The following OTUD7B variants were observed in gnomAD, a reference collection of about 807,000 sequenced individuals.
OTUD7B encodes OTU deubiquitinase 7B.
In OTUD7B, 34 loss-of-function variants were observed where a neutral mutation model predicts 82.2. The ratio of observed to expected loss-of-function variants is 0.41; its 90% CI spans 0.31 to 0.55. The LOEUF is 0.55. Among genes scored for constraint, OTUD7B ranks in the 20% least tolerant of loss-of-function variants. OTUD7B has a pLI of 0.20. For missense variants in OTUD7B, 944 were observed against 1,062.1 expected (o/e 0.89, Z 1.55); for synonymous variants, 398 against 402.7 (o/e 0.99, Z 0.14).
chr1:150,054,491 C>T, the OTUD7B span: 1 of 497,244 alleles, frequency 2.0e-6, no homozygotes, highest in Non-Finnish European at 3.9e-6. Flanking sequence ...AATCCCAAAA[C>T]ATCTTACTGA....
At chr1:149,998,896 T>C (rs139528472) in intron 1 of OTUD7B, among the ~76,000 whole-genome samples, 21 of 152,378 alleles carry the variant, frequency 1.4e-4, no homozygotes, top group African/African-American at 4.8e-4. Context: ...TAAAATGCTA[T>C]ATGATATTAG....
At chr1:150,016,364 G>T in the OTUD7B span, among the ~76,000 whole-genome samples, 1 of 151,762 alleles carries the variant, frequency 6.6e-6, no homozygotes, top group Admixed American at 6.6e-5. Context: ...ACCACCAGTG[G>T]TGTGCTAGTA....
chr1:150,060,135 AT>A, the OTUD7B span, among the ~76,000 whole-genome samples: 1 of 152,248 alleles, frequency 6.6e-6, no homozygotes, highest in Non-Finnish European at 1.5e-5. Flanking sequence ...TGAGATTTCA[AT>A]GCCTCATCTC....
the OTUD7B span, among the ~76,000 whole-genome samples, chr1:150,031,595 G>C: frequency 3.9e-5 from 6 of 152,088 alleles, no homozygotes; most frequent in Non-Finnish European, 7.4e-5. Context: ...AAAATAAAAA[G>C]CACACACACA....
chr1:150,064,049 CTA>C, the OTUD7B span, among the ~76,000 whole-genome samples: 3 of 152,034 alleles, frequency 2.0e-5, no homozygotes, highest in Non-Finnish European at 4.4e-5. Context: ...GAAATTGATT[CTA>C]TGTTTAAATT....
intron 1 of OTUD7B, among the ~76,000 whole-genome samples, chr1:149,997,769 C>T (rs1652013400): frequency 6.6e-6 from 1 of 152,172 alleles, no homozygotes; most frequent in Non-Finnish European, 1.5e-5. Flanking sequence ...GTGGTTAAAC[C>T]TCACCATAAT....
upstream of OTUD7B, among the ~76,000 whole-genome samples, chr1:150,014,050 GTA>G (rs200964766): frequency 0.021 from 1,894 of 91,712 alleles, 65 homozygotes; most frequent in African/African-American, 0.073. Context: ...ATATGTGTGT[GTA>G]TATATATGTG....
chr1:150,054,331 C>A, the OTUD7B span: 2 of 515,026 alleles, frequency 3.9e-6, no homozygotes, highest in South Asian at 3.0e-5. Context: ...CTGAAAGCCA[C>A]AGGGGCAAGA....
the OTUD7B span, among the ~76,000 whole-genome samples, chr1:150,017,605 A>T: frequency 6.6e-6 from 1 of 152,204 alleles, no homozygotes; most frequent in African/African-American, 2.4e-5. Context: ...ACTTTAGCTC[A>T]GGCAATGAGG....
the OTUD7B span, among the ~76,000 whole-genome samples, chr1:150,057,231 T>C: frequency 6.6e-6 from 1 of 152,166 alleles, no homozygotes; most frequent in African/African-American, 2.4e-5. Flanking sequence ...GAAAGAGTAA[T>C]TTAGTTAATA....
intron 10 of OTUD7B, 57 bp downstream of exon 10, chr1:149,948,912 G>T: frequency 8.9e-7 from 1 of 1,128,964 alleles, no homozygotes; most frequent in Non-Finnish European, 1.4e-6. Flanking sequence ...GGAGATGGAT[G>T]CCACATGTGG....
chr1:149,950,851 G>A (rs1372921474), intron 7 of OTUD7B, among the ~76,000 whole-genome samples: 1 of 141,850 alleles, frequency 7.0e-6, no homozygotes, highest in Non-Finnish European at 1.5e-5. Flanking sequence ...TGGAGCAGTG[G>A]CGCGATCTCG....
the OTUD7B span, among the ~76,000 whole-genome samples, chr1:150,045,594 C>A: frequency 6.6e-6 from 1 of 152,168 alleles, no homozygotes; most frequent in Admixed American, 6.5e-5. Flanking sequence ...CTAGACAGAA[C>A]TCTGCTAGTA....
the OTUD7B span, among the ~76,000 whole-genome samples, chr1:150,043,844 T>C: frequency 2.0e-5 from 3 of 152,134 alleles, no homozygotes; most frequent in Non-Finnish European, 4.4e-5. Flanking sequence ...GGCACTATGG[T>C]TCACGCCTGT....
At chr1:150,051,527 A>AT in the OTUD7B span, among the ~76,000 whole-genome samples, 3 of 152,236 alleles carry the variant, frequency 2.0e-5, no homozygotes, top group African/African-American at 7.2e-5. Flanking sequence ...AACAAGACAC[A>AT]TAAAAAGGAT....
At position 149,977,484 on chromosome 1, in the gene OTUD7B, CA is replaced by C; in HGVS notation, c.26del (p.Leu9ArgfsTer14). 6.2e-7 allele frequency: 1 copy of C among 1,614,140 alleles called. No individual in the cohort carries two copies. Among genetic ancestry groups the C allele is most frequent in the Non-Finnish European group, 8.5e-7 (1 of 1,179,998 alleles). The stretch of plus-strand genomic sequence containing the variant: ...CTCCTGTGGAACGGACAAAATCTGA[CA>C]GAACAGCATCCATGTCCAGGGTCAT... MTLDMDAVLSDFVRSTGAE... is the reference protein window; with the variant it reads MTLDMDAVXSDFVRSTGAE... On this transcript the variant is annotated frameshift_variant, in exon 2 of 12. Transcript: ENST00000581312. LOFTEE classifies it high-confidence loss of function.
At chr1:150,027,775 TTTTC>T in the OTUD7B span, among the ~76,000 whole-genome samples, 2 of 152,090 alleles carry the variant, frequency 1.3e-5, no homozygotes, top group South Asian at 4.1e-4. Context: ...GAAATATTTC[TTTTC>T]TTTATTATTT....
In OTUD7B at chr1:149,947,231, G is replaced by C; in HGVS notation, c.1323+20C>G. 1 of 1,387,408 alleles carries C rather than the reference G, an allele frequency of 7.2e-7. No homozygotes were observed. The allele number at this position is 1,387,408 out of a possible 1,614,324, so 85.9% of individuals were successfully genotyped here. On this transcript the variant is annotated intron_variant, in intron 11 of 11. Coordinates refer to ENST00000581312, the MANE Select transcript of OTUD7B (RefSeq NM_020205.4). ...AATGAAATGAAGACACACCAGGGTA[G>C]ATGTGGGAGAAGTCTTCACCTGTGC...
chr1:149,961,712 A>G (rs1649178393), intron 6 of OTUD7B: 1 of 152,210 alleles, frequency 6.6e-6, no homozygotes, highest in Admixed American at 6.5e-5. Context: ...ACCTGTTGCA[A>G]TTATGTATTT....
Sources: gnomAD v4.1 joint callset for allele counts (sites outside exome capture counted in the v4.1 genomes callset) on GRCh38, gnomAD v4.1.1 for gene constraint, MANE v1.5 for transcripts, NCBI Gene and HGNC (gene_info 2026-07-23, HGNC 2026-07-21) for gene names.